The following PRCP variants were observed in gnomAD, a reference collection of about 807,000 sequenced individuals.
The protein encoded by PRCP is prolylcarboxypeptidase.
Under a neutral mutation model 54.2 loss-of-function variants are expected in PRCP, and 46 were observed. The ratio of observed to expected loss-of-function variants is 0.85; its 90% CI spans 0.67 to 1.09. PRCP has a LOEUF of 1.09. Among genes scored for constraint, PRCP ranks in the 50% least tolerant of loss-of-function variants. The probability of loss-of-function intolerance (pLI) is 0.00; values close to 1 mark genes in which losing one functional copy is unlikely to be tolerated. For synonymous variants in PRCP, 240 were observed against 212.2 expected (o/e 1.13, Z -1.14); for missense variants, 613 against 596.8 (o/e 1.03, Z -0.28).
intron 6 of PRCP, chr11:82,843,118 T>C (rs1858715155): frequency 1.3e-5 from 2 of 152,224 alleles, no homozygotes; most frequent in African/African-American, 4.8e-5. Flanking sequence ...AAGACCAGCC[T>C]GGGCAATATA....
intron 6 of PRCP, among the ~76,000 whole-genome samples, chr11:82,845,415 C>T (rs1056400690): frequency 1.3e-5 from 2 of 152,040 alleles, no homozygotes; most frequent in African/African-American, 4.8e-5. Flanking sequence ...AGACCAATCT[C>T]CTCTCAGAGC....
At chr11:82,870,841 AG>A (rs1859462586) in intron 1 of PRCP, among the ~76,000 whole-genome samples, 1 of 152,184 alleles carries the variant, frequency 6.6e-6, no homozygotes, top group Non-Finnish European at 1.5e-5. Context: ...GTGAGAGGAC[AG>A]GGGGCAAGAG....
Position 82,838,537 on chromosome 11 carries a change from C to T in PRCP, c.1124G>A (p.Gly375Asp). Reference sequence around the variant, plus strand: ...GTGAGGTTCAAACATGTCATCGACACCATTAGTACAAAAGGGCATGACTAC... The same window carrying T: ...GTGAGGTTCAAACATGTCATCGACATCATTAGTACAAAAGGGCATGACTAC... ...TEVVMPFCTNGVDDMFEPHSW... is the reference protein window; with the variant it reads ...TEVVMPFCTNDVDDMFEPHSW... Residue 375 changes from glycine to aspartate, a missense_variant, in exon 8 of 9, where the codon GGT becomes GAT. By Grantham distance (94) the Gly-to-Asp change is moderately conservative. Coordinates refer to ENST00000313010, the MANE Select transcript of PRCP (RefSeq NM_005040.4). The T allele has an allele frequency of 1.2e-6, 2 of 1,613,932 alleles. No individual in the cohort carries two copies. Among genetic ancestry groups the T allele is most frequent in the East Asian group, 2.2e-5 (1 of 44,874 alleles).
At chr11:82,888,482 A>T (rs1302546616) in intron 1 of PRCP, among the ~76,000 whole-genome samples, 1 of 152,220 alleles carries the variant, frequency 6.6e-6, no homozygotes, top group Non-Finnish European at 1.5e-5. Context: ...CTCCAATAAT[A>T]AATACAGGTG....
intron 1 of PRCP, among the ~76,000 whole-genome samples, chr11:82,866,210 C>T (rs1205056740): frequency 2.6e-5 from 4 of 152,182 alleles, no homozygotes; most frequent in African/African-American, 4.8e-5. Context: ...AAAGAGGAAA[C>T]GGTATCCCCC....
At chr11:82,857,925 G>C (rs1950719027) in intron 2 of PRCP, among the ~76,000 whole-genome samples, 1 of 152,096 alleles carries the variant, frequency 6.6e-6, no homozygotes, top group South Asian at 2.1e-4. Context: ...CAACACCACT[G>C]TGCTAGGTAT....
At chr11:82,856,017 A>G (rs1859074334) in intron 2 of PRCP, among the ~76,000 whole-genome samples, 1 of 152,154 alleles carries the variant, frequency 6.6e-6, no homozygotes, top group Non-Finnish European at 1.5e-5. Context: ...ATACCTAAAG[A>G]AAAATAGGCC....
intron 4 of PRCP, 56 bp from the exon 5 acceptor site, chr11:82,850,127 A>ATATT: frequency 1.2e-6 from 1 of 828,212 alleles, no homozygotes; most frequent in Non-Finnish European, 1.6e-6. Context: ...ATATATATAT[A>ATATT]TTATATATAT....
At chr11:82,849,261 C>G in intron 5 of PRCP, 43 bp from the exon 6 acceptor site, 1 of 1,594,354 alleles carries the variant, frequency 6.3e-7, no homozygotes. Flanking sequence ...AAGTACTGGT[C>G]AACAGATGTC....
chr11:82,850,967 A>G lies in PRCP; in HGVS notation c.412-462T>C, dbSNP rs901387224. 4.1e-4 allele frequency among the ~76,000 whole-genome samples: 63 copies of G among 152,370 alleles called. 1 individual carries two copies. Among genetic ancestry groups the G allele is most frequent in the African/African-American group, 1.3e-3 (55 of 41,584 alleles). On this transcript the variant is annotated intron_variant, in intron 3 of 8. Coordinates refer to ENST00000313010, the MANE Select transcript of PRCP (RefSeq NM_005040.4). Reference sequence around the variant, plus strand: ...GATTATATATGACCTCGGCCATATCAACAACTGAAACAAAGTAGCCTGCCT... The same window carrying G: ...GATTATATATGACCTCGGCCATATCGACAACTGAAACAAAGTAGCCTGCCT...
chr11:82,839,215 T>G (rs1335355424), intron 7 of PRCP, 46 bp downstream of exon 7: 2 of 1,575,668 alleles, frequency 1.3e-6, no homozygotes, highest in Non-Finnish European at 1.7e-6. Context: ...AGCACAACTG[T>G]GTCAGTGAAA....
At chr11:82,869,339 G>A (rs1293030028) in intron 1 of PRCP, among the ~76,000 whole-genome samples, 1 of 136,228 alleles carries the variant, frequency 7.3e-6, no homozygotes, top group Non-Finnish European at 1.5e-5. Context: ...CTGGGCGACA[G>A]AGTGAGACTC....
chr11:82,878,978 T>C (rs78103423), intron 1 of PRCP, among the ~76,000 whole-genome samples: 1 of 152,236 alleles, frequency 6.6e-6, no homozygotes, highest in African/African-American at 2.4e-5. Context: ...TTTTCCTTCA[T>C]TTCAACTTTG....
At chr11:82,859,377 C>A (rs977924959) in intron 2 of PRCP, among the ~76,000 whole-genome samples, 1 of 152,066 alleles carries the variant, frequency 6.6e-6, no homozygotes, top group Non-Finnish European at 1.5e-5. Context: ...ATATTTTTTT[C>A]TCATTTGCAC....
At chr11:82,871,942 C>A (rs1591062945) in intron 1 of PRCP, among the ~76,000 whole-genome samples, 1 of 152,176 alleles carries the variant, frequency 6.6e-6, no homozygotes, top group East Asian at 1.9e-4. Context: ...TGCTTATAGA[C>A]CTTATCCATG....
At chr11:82,859,837 T>C in intron 2 of PRCP, 140 bp downstream of exon 2, 1 of 731,334 alleles carries the variant, frequency 1.4e-6, no homozygotes, top group Non-Finnish European at 2.0e-6. Context: ...ATTATTAGTG[T>C]GTTAATTTTT....
intron 1 of PRCP, among the ~76,000 whole-genome samples, chr11:82,885,425 A>G (rs1315335731): frequency 6.6e-6 from 1 of 152,236 alleles, no homozygotes; most frequent in Admixed American, 6.5e-5. Context: ...TTCCCCTTAG[A>G]TGGCAGAATA....
chr11:82,852,201 C>T (rs1420873180), intron 3 of PRCP, among the ~76,000 whole-genome samples: 2 of 152,308 alleles, frequency 1.3e-5, no homozygotes, highest in East Asian at 3.9e-4. Context: ...AATAGAATTT[C>T]CCATACAGCT....
At chr11:82,838,684 C>G in intron 7 of PRCP, 110 bp from the exon 8 acceptor site, 11 of 1,031,494 alleles carry the variant, frequency 1.1e-5, no homozygotes, top group Non-Finnish European at 1.4e-5. Flanking sequence ...GGTTTGAACT[C>G]AGGCAAGGCA....
Sources: gnomAD v4.1 joint callset for allele counts (sites outside exome capture counted in the v4.1 genomes callset) on GRCh38, gnomAD v4.1.1 for gene constraint, MANE v1.5 for transcripts, NCBI Gene and HGNC (gene_info 2026-07-23, HGNC 2026-07-21) for gene names.